Variants in RHOBTB2 observed in about 807,000 individuals in gnomAD.
The protein encoded by RHOBTB2 is Rho related BTB domain containing 2.
A neutral mutation model predicts 66.5 loss-of-function variants in RHOBTB2; 39 were observed. The observed-to-expected ratio is 0.59, with a 90% CI of 0.45 to 0.77. RHOBTB2 has a LOEUF of 0.77. Ranked by LOEUF, RHOBTB2 falls within the 30% of genes least tolerant of loss-of-function variation. The probability of loss-of-function intolerance (pLI) is 0.00; values close to 1 mark genes in which losing one functional copy is unlikely to be tolerated. For missense variants in RHOBTB2, 755 were observed against 999.1 expected, an observed-to-expected ratio of 0.76 and a Z score of 3.29; for synonymous variants, 390 against 395.0, an observed-to-expected ratio of 0.99 and a Z score of 0.15.
At chr8:22,969,925 T>C in the RHOBTB2 span, among the ~76,000 whole-genome samples, 2 of 152,210 alleles carry the variant, frequency 1.3e-5, no homozygotes, top group South Asian at 2.1e-4. Context: ...CTAGTTTTTC[T>C]ATTTTTTGTA....
the RHOBTB2 span, among the ~76,000 whole-genome samples, chr8:22,981,129 C>T: frequency 2.0e-5 from 3 of 152,330 alleles, no homozygotes; most frequent in Admixed American, 1.3e-4. Flanking sequence ...TATTTCAGTA[C>T]ATATAAAAGG....
At chr8:23,000,207 C>T in intron 1 of RHOBTB2, 102 bp downstream of exon 1, 2 of 810,920 alleles carry the variant, frequency 2.5e-6, no homozygotes, top group Non-Finnish European at 3.0e-6. Flanking sequence ...CTACGTTCCC[C>T]GGGCCCCGCT....
At chr8:22,980,586 A>T in the RHOBTB2 span, among the ~76,000 whole-genome samples, 3 of 152,226 alleles carry the variant, frequency 2.0e-5, no homozygotes, top group Non-Finnish European at 4.4e-5. Flanking sequence ...TGTGAAGAGA[A>T]ATAAGAATTC....
Position 23,006,410 on chromosome 8 carries a change from C to T in RHOBTB2, c.482+265C>T. ...TGCATGAAAAAGTCCTATAATTTTG[C>T]TGAGGGATAAACTAAATATGTGAGC... On this transcript the variant is annotated intron_variant, in intron 4 of 9. Transcript: ENST00000251822. The surrounding 1 kb of genome is among the most constrained non-coding windows in gnomAD (Gnocchi z 6.1). The T allele has an allele frequency of 3.6e-6, 2 of 550,932 alleles. No individual in the cohort carries two copies. The highest frequency in any genetic ancestry group is 6.4e-6 in the Non-Finnish European group (2 of 310,988). The allele number at this position is 550,932 out of a possible 1,614,324, so 34.1% of individuals were successfully genotyped here. A position where few individuals can be genotyped will look rare whatever the true frequency, so the allele number is the denominator to read the frequency against.
At chr8:23,015,784 C>T in intron 9 of RHOBTB2, 41 bp downstream of exon 9, 1 of 1,368,574 alleles carries the variant, frequency 7.3e-7, no homozygotes, top group Admixed American at 1.7e-5. Flanking sequence ...TGCTGCCCTC[C>T]CCTTAGGGGT....
chr8:23,009,154 C>T (rs1201915141), intron 6 of RHOBTB2, among the ~76,000 whole-genome samples: 3 of 59,486 alleles, frequency 5.0e-5, no homozygotes, highest in Non-Finnish European at 8.6e-5. Context: ...ACCATCTCTA[C>T]AGAAAAAAAG....
At chr8:23,014,871 T>C in intron 8 of RHOBTB2, 93 bp downstream of exon 8, 1 of 1,002,150 alleles carries the variant, frequency 1.0e-6, no homozygotes, top group Non-Finnish European at 1.5e-6. Flanking sequence ...AGATGGTCTA[T>C]GCGGGAGAAC....
At chr8:22,974,405 G>A in the RHOBTB2 span, among the ~76,000 whole-genome samples, 1 of 152,134 alleles carries the variant, frequency 6.6e-6, no homozygotes. Context: ...CAAAGTGCGG[G>A]GTGCAGGGTG....
intron 7 of RHOBTB2, among the ~76,000 whole-genome samples, chr8:23,011,825 G>T (rs919463178): frequency 6.6e-6 from 1 of 152,198 alleles, no homozygotes; most frequent in African/African-American, 2.4e-5. Context: ...ATACTGAGTT[G>T]AGATTCAGGG....
chr8:23,018,953 C>G lies in RHOBTB2; in HGVS notation c.*1484C>G, dbSNP rs1031000507. The G allele has an allele frequency of 6.6e-6, 1 of 152,450 alleles. No homozygotes were observed. The highest frequency in any genetic ancestry group is 2.4e-5 in the African/African-American group (1 of 41,426). The allele number at this position is 152,450 out of a possible 1,614,324, so 9.4% of individuals were successfully genotyped here. A position where few individuals can be genotyped will look rare whatever the true frequency, so the allele number is the denominator to read the frequency against. On this transcript the variant is annotated 3_prime_UTR_variant, in exon 10 of 10. Coordinates refer to ENST00000251822, the MANE Select transcript of RHOBTB2 (RefSeq NM_015178.3). ...GAGGAATGTGGGGGATTGAAACTAG[C>G]TCCCAGCCCCCATGGGGCAGCAGCT... is the stretch of plus-strand genomic sequence containing the variant.
upstream of RHOBTB2, among the ~76,000 whole-genome samples, chr8:22,985,877 T>C (rs1337447819): frequency 1.3e-5 from 2 of 152,164 alleles, no homozygotes; most frequent in African/African-American, 2.4e-5. Context: ...GGCTCTCCCC[T>C]GGCCTACCCA....
rs1810897891 is a variant in RHOBTB2, at chr8:23,004,751, G to GGGGGCAGCTGAAGAGGAA, written c.192+128_192+145dup. ...CTCTAGGGGTGGGACAGGATGGGTT[G>GGGGGCAGCTGAAGAGGAA]GGGGCAGCTGAAGAGGAAGGAGCCC... On this transcript the variant is annotated intron_variant, in intron 2 of 9. Transcript: ENST00000251822. This position sits in a 1 kb window ranked among gnomAD's most constrained non-coding sequence, Gnocchi z 6.4. 1 of 904,228 alleles carries GGGGGCAGCTGAAGAGGAA rather than the reference G, an allele frequency of 1.1e-6. No homozygotes were observed. Among genetic ancestry groups the GGGGGCAGCTGAAGAGGAA allele is most frequent in the Non-Finnish European group, 1.7e-6 (1 of 590,914 alleles). 56.0% of individuals were successfully genotyped at this position (904,228 alleles called of 1,614,324 possible).
upstream of RHOBTB2, among the ~76,000 whole-genome samples, chr8:22,996,555 G>T (rs1036422991): frequency 4.2e-4 from 50 of 120,260 alleles, 1 homozygote; most frequent in African/African-American, 1.6e-3. Flanking sequence ...GTGTGTGTGT[G>T]TGTGTGTGTG....
At chr8:22,954,291 A>C in the RHOBTB2 span, among the ~76,000 whole-genome samples, 1 of 152,222 alleles carries the variant, frequency 6.6e-6, no homozygotes, top group Non-Finnish European at 1.5e-5. Context: ...ATGTCAGTTG[A>C]AGCTCCACCA....
At chr8:22,996,294 T>G (rs953260561), upstream of RHOBTB2, among the ~76,000 whole-genome samples, 1 of 151,606 alleles carries the variant, frequency 6.6e-6, no homozygotes, top group Non-Finnish European at 1.5e-5. Flanking sequence ...GGGCAGGAGA[T>G]TGTAGAATGG....
chr8:22,953,040 A>G, the RHOBTB2 span, among the ~76,000 whole-genome samples: 1 of 152,066 alleles, frequency 6.6e-6, no homozygotes, highest in East Asian at 1.9e-4. Context: ...CTTCTGGGGA[A>G]TTGCATCCCT....
At chr8:22,988,719 C>T (rs569209375) in intron 1 of RHOBTB2, among the ~76,000 whole-genome samples, 13 of 152,328 alleles carry the variant, frequency 8.5e-5, no homozygotes, top group African/African-American at 2.9e-4. Flanking sequence ...ACCACTCCCC[C>T]ACCCACAACC....
At chr8:23,009,164 GAAAA>G (rs764054860) in intron 6 of RHOBTB2, among the ~76,000 whole-genome samples, 2 of 34,470 alleles carry the variant, frequency 5.8e-5, no homozygotes, top group African/African-American at 2.3e-4. Flanking sequence ...CAGAAAAAAA[GAAAA>G]AAAGAGAGAG....
upstream of RHOBTB2, among the ~76,000 whole-genome samples, chr8:22,995,093 CTT>C (rs199737324): frequency 1.2e-3 from 181 of 152,048 alleles, 2 homozygotes; most frequent in African/African-American, 4.1e-3. Flanking sequence ...TAGGCATTAT[CTT>C]TTTTAAAAAT....
Sources: gnomAD v4.1 joint callset for allele counts (sites outside exome capture counted in the v4.1 genomes callset) on GRCh38, gnomAD v4.1.1 for gene constraint, Gnocchi (gnomAD v3.1) non-coding constraint, MANE v1.5 for transcripts, NCBI Gene and HGNC (gene_info 2026-07-23, HGNC 2026-07-21) for gene names.